The following APRT variants were observed in gnomAD, a reference collection of about 807,000 sequenced individuals.
APRT encodes the protein AMP diphosphorylase.
A neutral mutation model predicts 21.0 loss-of-function variants in APRT; 25 were observed. That is an observed-to-expected ratio of 1.19 (90% CI 0.87 to 1.66). The LOEUF (loss-of-function observed/expected upper bound fraction) is 1.66, where lower values mean the gene tolerates loss of function less well. APRT is among the 40% of genes most tolerant of loss of function. The pLI, the probability that APRT is intolerant of heterozygous loss-of-function variation, is 0.00. For missense variants in APRT, 294 were observed against 232.7 expected, an observed-to-expected ratio of 1.26 and a Z score of -1.72; for synonymous variants, 153 against 109.0, an observed-to-expected ratio of 1.40 and a Z score of -2.52.
intron 2 of APRT, chr16:88,811,276 C>T: frequency 1.9e-6 from 1 of 540,036 alleles, no homozygotes; most frequent in Non-Finnish European, 3.3e-6. Flanking sequence ...GTGGATTCAG[C>T]TTGGGCACTC....
Position 88,811,532 on chromosome 16 carries a change from C to G in APRT, c.187+18G>C, listed in dbSNP as rs759835192. ...CGCAGAGGCGGAAGCGCCCTAGATG[C>G]GGCCACTGGGCACTCGCCTGCGATG... On this transcript the variant is annotated intron_variant, in intron 2 of 4. Transcript: ENST00000378364. 1.8e-4 allele frequency: 275 copies of G among 1,571,298 alleles called. No homozygotes were observed. Among genetic ancestry groups the G allele is most frequent in the Non-Finnish European group, 2.3e-4 (267 of 1,159,816 alleles).
chr16:88,810,494 C>G lies in APRT; in HGVS notation c.250G>C (p.Val84Leu). Residue 84 changes from valine to leucine, a missense_variant, in exon 3 of 5, where the codon GTG becomes CTG. Transcript: ENST00000378364. The part of the protein sequence containing the change: ...SLAQELGLGC[V>L]LIRKRGKLPG... ...AGCTTCCCCCGCTTTCGGATGAGCACGCAGCCCAGTCCAAGCTCCTGGGCC... is the reference window on the plus strand; with the variant it reads ...AGCTTCCCCCGCTTTCGGATGAGCAGGCAGCCCAGTCCAAGCTCCTGGGCC... 2 of 1,612,390 alleles carry G rather than the reference C, an allele frequency of 1.2e-6. No homozygotes were observed. Among genetic ancestry groups the G allele is most frequent in the East Asian group, 2.2e-5 (1 of 44,858 alleles).
intron 2 of APRT, among the ~76,000 whole-genome samples, chr16:88,810,934 A>G (rs8191482): frequency 3.9e-5 from 6 of 151,944 alleles, no homozygotes; most frequent in Non-Finnish European, 8.8e-5. Context: ...TGGTTGGGGG[A>G]CGCTCAGGGA....
intron 4 of APRT, 25 bp downstream of exon 4, chr16:88,810,045 C>T (rs1909053990): frequency 6.2e-7 from 1 of 1,611,162 alleles, no homozygotes; most frequent in African/African-American, 1.3e-5. Context: ...GGAGCCACAG[C>T]AGTTGGCTGC....
chr16:88,811,156 C>A (rs796892174), intron 2 of APRT: 2 of 421,590 alleles, frequency 4.7e-6, no homozygotes, highest in African/African-American at 4.2e-5. Flanking sequence ...GCCTCCAGGC[C>A]TCCCTTCCCT....
chr16:88,809,701 C>T lies in APRT; in HGVS notation c.540G>A (p.Glu180=). Residue 180 remains glutamate, a synonymous_variant, in exon 5 of 5, where the codon GAG becomes GAA. Transcript: ENST00000378364. ...GTTGGGCTGGGAGGCCCTGTGGTCA[C>T]TCATACTGCAGGAGAGAGAAGAAGG... ...PVPFFSLLQY[E] is the part of the protein sequence containing the mutation. The T allele has an allele frequency of 1.2e-6, 2 of 1,613,412 alleles. No individual in the cohort carries two copies. The highest frequency in any genetic ancestry group is 1.7e-6 in the Non-Finnish European group (2 of 1,180,016).
Position 88,809,679 on chromosome 16 carries a change from G to C in APRT, c.*19C>G. 6.2e-7 allele frequency: 1 copy of C among 1,613,120 alleles called. No homozygotes were observed. Among genetic ancestry groups the C allele is most frequent in the South Asian group, 1.1e-5 (1 of 91,076 alleles). ...TCCCTGGGATCCAGCTGGAGATGTT[G>C]GGCTGGGAGGCCCTGTGGTCACTCA... On this transcript the variant is annotated 3_prime_UTR_variant, in exon 5 of 5. Coordinates refer to ENST00000378364, the MANE Select transcript of APRT (RefSeq NM_000485.3).
rs762079076 is a variant in APRT at position 88,811,837 on chromosome 16, G to C, written c.63C>G (p.Thr21=). The change falls in exon 1 of 5, where the codon ACC becomes ACG. Residue 21 remains threonine (T), a synonymous_variant. Coordinates refer to ENST00000378364, the MANE Select transcript of APRT (RefSeq NM_000485.3). Reference sequence around the variant, plus strand: ...GCGTGCACCTGAATACCACGCCTGGGGTGGGGAAGTCGGGGAAGCTGCGGA... The same window carrying C: ...GCGTGCACCTGAATACCACGCCTGGCGTGGGGAAGTCGGGGAAGCTGCGGA... ...QRIRSFPDFP[T]PGVVFRDISP... 1 of 1,572,538 alleles carries C rather than the reference G, an allele frequency of 6.4e-7. No individual in the cohort carries two copies. Among genetic ancestry groups the C allele is most frequent in the Middle Eastern group, 1.8e-4 (1 of 5,588 alleles).
rs4695 is a variant in APRT at position 88,809,520 on chromosome 16, T to C, written c.*178A>G. Reference sequence around the variant, plus strand: ...TCCCGCTGTGTGTAATTGGGTTCAGTGTGGCTGAAACACAGCTTTGCCCCA... The same window carrying C: ...TCCCGCTGTGTGTAATTGGGTTCAGCGTGGCTGAAACACAGCTTTGCCCCA... On this transcript the variant is annotated 3_prime_UTR_variant, in exon 5 of 5. Coordinates refer to ENST00000378364, the MANE Select transcript of APRT (RefSeq NM_000485.3). The C allele has an allele frequency of 0.096, 95,439 of 996,258 alleles. 9,038 individuals are homozygous for C. The highest frequency in any genetic ancestry group is 0.43 in the African/African-American group (26,683 of 62,596). 61.7% of individuals were successfully genotyped at this position (996,258 alleles called of 1,614,324 possible). A position where few individuals can be genotyped will look rare whatever the true frequency, so the allele number is the denominator to read the frequency against.
At position 88,810,485 on chromosome 16, in the gene APRT, G is replaced by C; in HGVS notation, c.259C>G (p.Arg87Gly). 6.2e-7 allele frequency: 1 copy of C among 1,612,254 alleles called. No individual in the cohort carries two copies. Among genetic ancestry groups the C allele is most frequent in the African/African-American group, 1.3e-5 (1 of 75,036 alleles). ...QELGLGCVLI[R>G]KRGKLPGPTL... is the part of the protein sequence containing the mutation. ...GGGCCTGGCAGCTTCCCCCGCTTTC[G>C]GATGAGCACGCAGCCCAGTCCAAGC... The change falls in exon 3 of 5, where the codon CGA becomes GGA. Residue 87 changes from arginine to glycine, a missense_variant. Physicochemically the swap from Arg to Gly is moderately radical, Grantham distance 125. Coordinates refer to ENST00000378364, the MANE Select transcript of APRT (RefSeq NM_000485.3).
chr16:88,811,760 A>T, intron 1 of APRT, 60 bp downstream of exon 1: 1 of 1,511,608 alleles, frequency 6.6e-7, no homozygotes, highest in Non-Finnish European at 8.9e-7. Context: ...GTCGCGGGCC[A>T]CGCGCTCCCA....
chr16:88,809,708 T>C lies in APRT; in HGVS notation c.533A>G (p.Gln178Arg), dbSNP rs1003586349. 3 of 1,613,302 alleles carry C rather than the reference T, an allele frequency of 1.9e-6. No homozygotes were observed. The African/African-American group carries it at 4.0e-5, about 22-fold the overall frequency. The change falls in exon 5 of 5, where the codon CAG becomes CGG. Residue 178 changes from glutamine to arginine, a missense_variant. Gln to Arg is a conservative substitution (Grantham distance 43). Transcript: ENST00000378364. Reference sequence around the variant, plus strand: ...TGGGAGGCCCTGTGGTCACTCATACTGCAGGAGAGAGAAGAAGGGTACAGG... The same window carrying C: ...TGGGAGGCCCTGTGGTCACTCATACCGCAGGAGAGAGAAGAAGGGTACAGG... The part of the protein sequence containing the change: ...LAPVPFFSLL[Q>R]YE
At chr16:88,811,700 G>C in intron 1 of APRT, 44 bp from the exon 2 acceptor site, 1 of 1,518,410 alleles carries the variant, frequency 6.6e-7, no homozygotes, top group African/African-American at 1.4e-5. Flanking sequence ...CCGAAGGAGG[G>C]CAGGGCCCCG....
In APRT at chr16:88,809,884, A is replaced by C. The variant is rs372494973; in HGVS notation, c.401-44T>G. 9 of 1,603,420 alleles carry C rather than the reference A, an allele frequency of 5.6e-6. No individual in the cohort carries two copies. In the East Asian group the frequency reaches 1.8e-4, roughly 32 times the overall value. On this transcript the variant is annotated intron_variant, in intron 4 of 4. Transcript: ENST00000378364. ...GGTCCCCAGTTGGCCTGGGCTGCAG[A>C]GAGCAGGTGCTCCAGGCCAGCCCCT...
Position 88,811,602 on chromosome 16 carries a change from G to C in APRT, c.135C>G (p.Leu45=), listed in dbSNP as rs200598967. 2 of 1,604,572 alleles carry C rather than the reference G, an allele frequency of 1.2e-6. No homozygotes were observed. The highest frequency in any genetic ancestry group is 1.7e-6 in the Non-Finnish European group (2 of 1,176,386). Residue 45 remains leucine (L), a synonymous_variant, in exon 2 of 5, where the codon CTC becomes CTG. Coordinates refer to ENST00000378364, the MANE Select transcript of APRT (RefSeq NM_000485.3). ...DPASFRAAIG[L]LARHLKATHG... ...GGGTCGCCTTCAGGTGTCGCGCCAG[G>C]AGGCCGATGGCGGCGCGGAAGGAGG... is the stretch of plus-strand genomic sequence containing the variant.
chr16:88,810,361 T>C (rs1235868273), intron 3 of APRT, 62 bp downstream of exon 3: 23 of 1,601,828 alleles, frequency 1.4e-5, no homozygotes, highest in Non-Finnish European at 1.9e-5. Flanking sequence ...CTTTTAGAAC[T>C]GGGGGAGAGT....
chr16:88,811,482 G>C, intron 2 of APRT, 68 bp downstream of exon 2: 1 of 1,463,304 alleles, frequency 6.8e-7, no homozygotes, highest in African/African-American at 1.4e-5. Flanking sequence ...CAGACGCGCA[G>C]AGCCCACGTG....
intron 2 of APRT, 141 bp from the exon 3 acceptor site, chr16:88,810,697 T>G (rs1460550107): frequency 1.8e-6 from 2 of 1,138,210 alleles, no homozygotes; most frequent in Non-Finnish European, 2.5e-6. Flanking sequence ...ACCCATCACC[T>G]ACCCGGAGCT....
chr16:88,809,735 G>A lies in APRT; in HGVS notation c.506C>T (p.Ala169Val), dbSNP rs1597508648. ...LTSLKGREKL[A>V]PVPFFSLLQY... is the part of the protein sequence containing the mutation. ...CAGGAGAGAGAAGAAGGGTACAGGT[G>A]CCAGCTTCTCCCTGCCCTTAAGCGA... The change falls in exon 5 of 5, where the codon GCA becomes GTA. Residue 169 changes from alanine (A) to valine (V), a missense_variant. By Grantham distance (64) the Ala-to-Val change is moderately conservative. Coordinates refer to ENST00000378364, the MANE Select transcript of APRT (RefSeq NM_000485.3). The A allele has an allele frequency of 1.2e-6, 2 of 1,613,274 alleles. No homozygotes were observed. The highest frequency in any genetic ancestry group is 1.6e-4 in the Middle Eastern group (1 of 6,084).
Sources: gnomAD v4.1 joint callset for allele counts (sites outside exome capture counted in the v4.1 genomes callset) on GRCh38, gnomAD v4.1.1 for gene constraint, MANE v1.5 for transcripts, NCBI Gene and HGNC (gene_info 2026-07-23, HGNC 2026-07-21) for gene names.